Variants in SATB2 observed in about 807,000 individuals in gnomAD.
The protein encoded by SATB2 is DNA-binding protein SATB2.
Under a neutral mutation model 73.4 loss-of-function variants are expected in SATB2, and 1 was observed. That is an observed-to-expected ratio of 0.01 (90% CI 0.00 to 0.06). The LOEUF is 0.06. SATB2 is among the 10% of genes least tolerant of loss of function. The probability of loss-of-function intolerance (pLI) is 1.00; values close to 1 mark genes in which losing one functional copy is unlikely to be tolerated. For synonymous variants in SATB2, 397 were observed against 367.0 expected (o/e 1.08, Z -0.93); for missense variants, 459 against 945.8 (o/e 0.49, Z 6.75).
At chr2:199,349,650 TGGAAATGTTCATTTAAAAA>T (rs1422181918) in intron 6 of SATB2, among the ~76,000 whole-genome samples, 1 of 152,238 alleles carries the variant, frequency 6.6e-6, no homozygotes, top group East Asian at 1.9e-4. Flanking sequence ...TATACAGCTA[TGGAAATGTTCATTTAAAAA>T]TGTCTGCCAC....
chr2:199,415,329 T>C (rs1044918556), intron 3 of SATB2, among the ~76,000 whole-genome samples: 1 of 152,186 alleles, frequency 6.6e-6, no homozygotes. Flanking sequence ...AAAGTAACTG[T>C]TGTACACAAT....
At chr2:199,366,721 T>C (rs1304218441) in intron 6 of SATB2, among the ~76,000 whole-genome samples, 1 of 151,594 alleles carries the variant, frequency 6.6e-6, no homozygotes, top group Non-Finnish European at 1.5e-5. Flanking sequence ...TGACAGCCTC[T>C]TCAGGTGTGG....
chr2:199,277,402 A>G (rs145986049), intron 10 of SATB2, among the ~76,000 whole-genome samples: 221 of 152,340 alleles, frequency 1.5e-3, no homozygotes, highest in East Asian at 0.011. Context: ...CCTAAGGCAA[A>G]CACCTCTCTT....
At chr2:199,333,447 A>T (rs1004788040) in intron 7 of SATB2, among the ~76,000 whole-genome samples, 2 of 152,118 alleles carry the variant, frequency 1.3e-5, no homozygotes, top group Admixed American at 6.6e-5. Context: ...GGAATTTTAA[A>T]TATAGATAGT....
At chr2:199,440,517 C>A (rs183649565) in intron 2 of SATB2, among the ~76,000 whole-genome samples, 1 of 152,036 alleles carries the variant, frequency 6.6e-6, no homozygotes, top group Non-Finnish European at 1.5e-5. Context: ...TAATAAGAAA[C>A]AGTAGAAAAA....
In SATB2 at chr2:199,308,881, G is replaced by A. The variant is rs749986143; in HGVS notation, c.1619C>T (p.Thr540Ile). Residue 540 changes from threonine to isoleucine, a missense_variant, in exon 10 of 11, where the codon ACC becomes ATC. Physicochemically the swap from Thr to Ile is moderately conservative, Grantham distance 89 (BLOSUM62 -1). This residue lies in a region of SATB2 where 74 missense variants were observed against 136.1 expected (regional missense o/e 0.54). Transcript: ENST00000417098. This position sits in a 1 kb window ranked among gnomAD's most constrained non-coding sequence, Gnocchi z 4.6. ...GGGAAGGTTCAGGAAGCGACGGATGGTACAGAGGTTTTCCCAGAGGGTGCG... is the reference window on the plus strand; with the variant it reads ...GGGAAGGTTCAGGAAGCGACGGATGATACAGAGGTTTTCCCAGAGGGTGCG... ...ENRTLWENLC[T>I]IRRFLNLPQH... The A allele has an allele frequency of 6.2e-7, 1 of 1,614,198 alleles. No individual in the cohort carries two copies. Among genetic ancestry groups the A allele is most frequent in the South Asian group, 1.1e-5 (1 of 91,080 alleles).
intron 5 of SATB2, among the ~76,000 whole-genome samples, chr2:199,369,856 A>G (rs1446104542): frequency 6.6e-6 from 1 of 152,176 alleles, no homozygotes; most frequent in Non-Finnish European, 1.5e-5. Flanking sequence ...ATCACTATGC[A>G]GTACTGGTAG....
At chr2:199,386,238 C>T (rs1355642975) in intron 3 of SATB2, among the ~76,000 whole-genome samples, 2 of 152,082 alleles carry the variant, frequency 1.3e-5, no homozygotes, top group Non-Finnish European at 2.9e-5. Context: ...CTGAAATGCT[C>T]GAATGAGCAT....
At chr2:199,438,602 A>AC (rs1171356735) in intron 2 of SATB2, among the ~76,000 whole-genome samples, 1 of 152,198 alleles carries the variant, frequency 6.6e-6, no homozygotes, top group Non-Finnish European at 1.5e-5. Context: ...TATGAAAGTG[A>AC]CCTGAGGAAT....
chr2:199,312,651 G>C (rs1464718060), intron 9 of SATB2, among the ~76,000 whole-genome samples: 1 of 152,148 alleles, frequency 6.6e-6, no homozygotes, highest in Non-Finnish European at 1.5e-5. Context: ...TCCATGATCT[G>C]TTACCTTGTT....
intron 5 of SATB2, among the ~76,000 whole-genome samples, chr2:199,375,481 A>G (rs186379083): frequency 1.3e-5 from 2 of 152,310 alleles, no homozygotes; most frequent in East Asian, 3.9e-4. Context: ...AAATATATAT[A>G]TGCCTCAGGC....
rs183208606 is a variant in SATB2 at position 199,353,280 on chromosome 2, G to A, written c.701-4107C>T. ...AGTGATTCTCATGCCTCAGCCTCCT[G>A]AGTAGCTGGGATTACAAGCATGTGC... On this transcript the variant is annotated intron_variant, in intron 6 of 10. Transcript: ENST00000417098. 2.0e-4 allele frequency among the ~76,000 whole-genome samples: 29 copies of A among 147,732 alleles called. 1 individual carries two copies. The East Asian group carries it at 4.5e-3, about 23-fold the overall frequency.
At chr2:199,460,291 T>G (rs1692446121), upstream of SATB2, among the ~76,000 whole-genome samples, 1 of 152,210 alleles carries the variant, frequency 6.6e-6, no homozygotes, top group Non-Finnish European at 1.5e-5. This position sits in a 1 kb window ranked among gnomAD's most constrained non-coding sequence, Gnocchi z 4.0. Context: ...CTGTAAGTTT[T>G]GAGCAACAAA....
intron 7 of SATB2, among the ~76,000 whole-genome samples, chr2:199,341,566 G>C (rs1688507229): frequency 6.6e-6 from 1 of 152,136 alleles, no homozygotes; most frequent in East Asian, 1.9e-4. Context: ...CCATAAGTCA[G>C]TCTGGACTAT....
At chr2:199,284,073 A>G (rs1230144071) in intron 10 of SATB2, among the ~76,000 whole-genome samples, 1 of 152,216 alleles carries the variant, frequency 6.6e-6, no homozygotes, top group African/African-American at 2.4e-5. Context: ...ATCTGACAGC[A>G]TTTGTTGCCA....
intron 10 of SATB2, among the ~76,000 whole-genome samples, chr2:199,294,659 C>T (rs1414147014): frequency 6.6e-6 from 1 of 152,140 alleles, no homozygotes; most frequent in African/African-American, 2.4e-5. Context: ...CCAGTCTTCT[C>T]TTACCACACT....
chr2:199,399,889 G>A (rs909179693), intron 3 of SATB2, among the ~76,000 whole-genome samples: 1 of 152,118 alleles, frequency 6.6e-6, no homozygotes, highest in Non-Finnish European at 1.5e-5. Context: ...TGAGATTTGG[G>A]CAGGGACAAC....
intron 7 of SATB2, among the ~76,000 whole-genome samples, chr2:199,334,390 A>C (rs190431600): frequency 6.6e-6 from 1 of 152,310 alleles, no homozygotes; most frequent in East Asian, 1.9e-4. Flanking sequence ...TCATAATTAC[A>C]TATTGCTTTA....
intron 10 of SATB2, among the ~76,000 whole-genome samples, chr2:199,286,410 A>G (rs1692690189): frequency 1.3e-5 from 2 of 152,358 alleles, no homozygotes; most frequent in South Asian, 4.1e-4. Flanking sequence ...TAGGGCTAAC[A>G]TGACCAAAAC....
Sources: gnomAD v4.1 joint callset for allele counts (sites outside exome capture counted in the v4.1 genomes callset) on GRCh38, gnomAD v4.1.1 for gene constraint, gnomAD v4.1.1 regional missense constraint, Gnocchi (gnomAD v3.1) non-coding constraint, MANE v1.5 for transcripts, NCBI Gene and HGNC (gene_info 2026-07-23, HGNC 2026-07-21) for gene names.